The following VRK2 variants were observed in gnomAD, a reference collection of about 807,000 sequenced individuals.
VRK2 encodes serine/threonine-protein kinase VRK2.
Under a neutral mutation model 57.6 loss-of-function variants are expected in VRK2, and 60 were observed. The observed-to-expected ratio is 1.04, with a 90% CI of 0.85 to 1.29. The LOEUF (loss-of-function observed/expected upper bound fraction) is 1.29. VRK2 is among the 50% of genes most tolerant of loss of function. VRK2 has a pLI of 0.00. For synonymous variants in VRK2, 231 were observed against 199.2 expected (o/e 1.16, Z -1.35); for missense variants, 705 against 588.1 (o/e 1.20, Z -2.06).
intron 11 of VRK2, among the ~76,000 whole-genome samples, chr2:58,141,318 C>T (rs1315388825): frequency 6.6e-6 from 1 of 151,904 alleles, no homozygotes; most frequent in Non-Finnish European, 1.5e-5. Context: ...AAACTGATAG[C>T]TATATCCTCT....
At chr2:58,045,536 G>A (rs1055727116), upstream of VRK2, among the ~76,000 whole-genome samples, 1 of 152,200 alleles carries the variant, frequency 6.6e-6, no homozygotes, top group Non-Finnish European at 1.5e-5. Flanking sequence ...AAGAAAATAA[G>A]AAAGGACACT....
At chr2:58,064,715 G>T (rs1403941179) in intron 2 of VRK2, among the ~76,000 whole-genome samples, 1 of 152,148 alleles carries the variant, frequency 6.6e-6, no homozygotes, top group East Asian at 1.9e-4. Context: ...GAAGATAACT[G>T]ATTGTGCTAT....
At chr2:58,089,959 T>TGGC (rs1400839620) in intron 7 of VRK2, among the ~76,000 whole-genome samples, 2 of 152,142 alleles carry the variant, frequency 1.3e-5, no homozygotes, top group African/African-American at 4.8e-5. Flanking sequence ...AGTTAAGAAG[T>TGGC]GGCTGAGCAG....
intron 1 of VRK2, among the ~76,000 whole-genome samples, chr2:57,953,366 T>A (rs2103981734): frequency 6.6e-6 from 1 of 152,354 alleles, no homozygotes; most frequent in Admixed American, 6.5e-5. Context: ...CTTTCCTCAT[T>A]GTTCCATATC....
intron 2 of VRK2, among the ~76,000 whole-genome samples, chr2:58,075,039 TCTC>T (rs1669894094): frequency 1.3e-5 from 2 of 152,078 alleles, no homozygotes; most frequent in African/African-American, 2.4e-5. Flanking sequence ...TGCTCACCCT[TCTC>T]CTACCCTATA....
intron 2 of VRK2, among the ~76,000 whole-genome samples, chr2:58,061,132 T>G (rs945303114): frequency 6.6e-6 from 1 of 151,850 alleles, no homozygotes; most frequent in Non-Finnish European, 1.5e-5. Flanking sequence ...ATGTAGAGTT[T>G]CATAACAAAA....
In VRK2 at chr2:58,140,903, G is replaced by A. The variant is rs79396841; in HGVS notation, c.1023+1071G>A. 3.0e-3 allele frequency among the ~76,000 whole-genome samples: 459 copies of A among 152,098 alleles called. 1 individual carries two copies. Among genetic ancestry groups the A allele is most frequent in the Middle Eastern group, 0.014 (4 of 294 alleles). ...TAATAGAAGAGAATATCTGTTTGAG[G>A]AGGTTTTGCATGGCTAATTAACTAC... On this transcript the variant is annotated intron_variant, in intron 11 of 12. Transcript: ENST00000340157.
chr2:58,136,876 A>T (rs1311887450), intron 10 of VRK2, among the ~76,000 whole-genome samples: 2 of 121,830 alleles, frequency 1.6e-5, no homozygotes, highest in Non-Finnish European at 3.2e-5. Context: ...TATATCATAT[A>T]TTATATCATA....
intron 3 of VRK2, among the ~76,000 whole-genome samples, chr2:58,037,682 G>C (rs1217670183): frequency 6.6e-6 from 1 of 151,994 alleles, no homozygotes; most frequent in Admixed American, 6.6e-5. Context: ...TACTATGCTA[G>C]GTTCTTTGCC....
At chr2:57,918,404 G>A (rs1294905492) in intron 1 of VRK2, among the ~76,000 whole-genome samples, 2 of 151,820 alleles carry the variant, frequency 1.3e-5, no homozygotes, top group Non-Finnish European at 2.9e-5. Context: ...TTCTTATCCT[G>A]AGAGTTACCC....
chr2:58,125,779 T>C (rs1322864417), intron 8 of VRK2, among the ~76,000 whole-genome samples: 1 of 152,068 alleles, frequency 6.6e-6, no homozygotes, highest in African/African-American at 2.4e-5. Context: ...CACACATATA[T>C]AGATATATAC....
At chr2:57,962,669 A>G (rs1671797854) in intron 1 of VRK2, among the ~76,000 whole-genome samples, 1 of 152,156 alleles carries the variant, frequency 6.6e-6, no homozygotes, top group Admixed American at 6.5e-5. Context: ...GAGAACATGC[A>G]GTATTTCCGG....
At chr2:57,990,304 C>T (rs1558528607) in intron 1 of VRK2, among the ~76,000 whole-genome samples, 1 of 152,158 alleles carries the variant, frequency 6.6e-6, no homozygotes, top group African/African-American at 2.4e-5. Context: ...TCTTAGTCTC[C>T]TTGACACAGT....
intron 10 of VRK2, among the ~76,000 whole-genome samples, chr2:58,137,199 T>TGATAC (rs370648083): frequency 1.7e-5 from 1 of 60,100 alleles, no homozygotes; most frequent in Non-Finnish European, 2.9e-5. Context: ...GATACATATA[T>TGATAC]ATCTCATATA....
intron 1 of VRK2, among the ~76,000 whole-genome samples, chr2:57,925,253 A>AT (rs1211674282): frequency 1.3e-5 from 2 of 151,984 alleles, no homozygotes; most frequent in African/African-American, 4.8e-5. Flanking sequence ...CTCCTGCTCT[A>AT]TTTTTTCAAA....
At chr2:58,154,766 C>G (rs1225957130) in intron 12 of VRK2, 6 of 717,410 alleles carry the variant, frequency 8.4e-6, no homozygotes, top group Non-Finnish European at 1.6e-5. Flanking sequence ...TAGGTAGAAG[C>G]TTAGGCTATT....
chr2:58,083,785 A>G (rs910199362), intron 2 of VRK2, among the ~76,000 whole-genome samples: 8 of 151,758 alleles, frequency 5.3e-5, no homozygotes, highest in Non-Finnish European at 7.4e-5. Flanking sequence ...CATATTGTCT[A>G]TTGATTCTGT....
intron 1 of VRK2, among the ~76,000 whole-genome samples, chr2:57,955,481 G>C (rs1432975884): frequency 1.3e-5 from 2 of 152,142 alleles, no homozygotes; most frequent in African/African-American, 4.8e-5. Flanking sequence ...ATTATCATCA[G>C]ATTTGCTGAA....
At chr2:57,995,367 C>A (rs1339633913) in intron 1 of VRK2, among the ~76,000 whole-genome samples, 1 of 152,178 alleles carries the variant, frequency 6.6e-6, no homozygotes, top group Non-Finnish European at 1.5e-5. Context: ...GAGAAGCTGT[C>A]AAGCTCACAG....
Sources: gnomAD v4.1 joint callset for allele counts (sites outside exome capture counted in the v4.1 genomes callset) on GRCh38, gnomAD v4.1.1 for gene constraint, MANE v1.5 for transcripts, NCBI Gene and HGNC (gene_info 2026-07-23, HGNC 2026-07-21) for gene names.